Variants in SYNPO2 observed in about 807,000 individuals in gnomAD.
SYNPO2 encodes synaptopodin 2.
SYNPO2 carries 56 observed loss-of-function variants against 85.0 expected under a neutral mutation model. The ratio of observed to expected loss-of-function variants is 0.66; its 90% CI spans 0.53 to 0.82. The LOEUF (loss-of-function observed/expected upper bound fraction) is 0.82. Among genes scored for constraint, SYNPO2 ranks in the 40% least tolerant of loss-of-function variants. The pLI is 0.00. For missense variants in SYNPO2, 1,575 were observed against 1,534.2 expected (o/e 1.03, Z -0.44); for synonymous variants, 602 against 591.1 (o/e 1.02, Z -0.27).
rs1045011181 is a variant in SYNPO2 at position 119,030,123 on chromosome 4, T to C, written c.1348T>C (p.Leu450=). 7 of 1,614,018 alleles carry C rather than the reference T, an allele frequency of 4.3e-6. No individual in the cohort carries two copies. The Admixed American group carries it at 1.0e-4, about 23-fold the overall frequency. ...ASESEVDEEL[L]SDVDDNTQVV... ...CGAATCAGAGGTGGATGAAGAGTTA[T>C]TGTCTGACGTTGACGACAACACACA... Residue 450 remains leucine, a synonymous_variant, in exon 4 of 5, where the codon TTG becomes CTG. Coordinates refer to ENST00000307142, the MANE Select transcript of SYNPO2 (RefSeq NM_133477.3).
intron 1 of SYNPO2, among the ~76,000 whole-genome samples, chr4:118,938,966 C>T (rs947524182): frequency 6.6e-6 from 1 of 152,104 alleles, no homozygotes; most frequent in Non-Finnish European, 1.5e-5. Flanking sequence ...ATGGTATTTC[C>T]ATGGAGGAGC....
chr4:119,026,546 C>T lies in SYNPO2; in HGVS notation c.258-81C>T, dbSNP rs537393637. The T allele has an allele frequency of 7.8e-4, 1,094 of 1,408,912 alleles. 1 individual carries two copies. The highest frequency in any genetic ancestry group is 9.9e-4 in the Non-Finnish European group (1,029 of 1,039,674). 87.3% of individuals were successfully genotyped at this position (1,408,912 alleles called of 1,614,324 possible). A position where few individuals can be genotyped will look rare whatever the true frequency, so the allele number is the denominator to read the frequency against. On this transcript the variant is annotated intron_variant, in intron 2 of 4. Coordinates refer to ENST00000307142, the MANE Select transcript of SYNPO2 (RefSeq NM_133477.3). ...TATTTTGACTATATCACATATTAGA[C>T]ATCACAAAAGTGTCAGGAAGTTCTT...
chr4:118,865,610 G>A (rs144892607), intron 1 of SYNPO2, among the ~76,000 whole-genome samples: 3 of 152,138 alleles, frequency 2.0e-5, no homozygotes, highest in Admixed American at 6.6e-5. Context: ...ATTTGGCTGA[G>A]AGTGTTTACA....
intron 1 of SYNPO2, among the ~76,000 whole-genome samples, chr4:118,878,880 T>G (rs1376747263): frequency 7.4e-4 from 113 of 152,212 alleles, no homozygotes; most frequent in Non-Finnish European, 7.3e-5. Context: ...TTTTCTGTCT[T>G]GTGGATGTTT....
intron 1 of SYNPO2, among the ~76,000 whole-genome samples, chr4:118,923,904 A>G (rs7349616): frequency 3.3e-5 from 5 of 151,288 alleles, no homozygotes; most frequent in African/African-American, 1.2e-4. Flanking sequence ...AAAAAAAAAA[A>G]AACCTGAGTT....
intron 1 of SYNPO2, among the ~76,000 whole-genome samples, chr4:118,995,689 C>T (rs139647099): frequency 8.2e-4 from 125 of 152,218 alleles, no homozygotes; most frequent in Middle Eastern, 3.4e-3. Flanking sequence ...CTTAGCTCTG[C>T]CCCTTAATAA....
chr4:118,961,211 C>T (rs1735078415), intron 1 of SYNPO2, among the ~76,000 whole-genome samples: 1 of 150,310 alleles, frequency 6.7e-6, no homozygotes, highest in Admixed American at 6.7e-5. Context: ...AGGAATGCTG[C>T]TGAACATCTT....
chr4:119,039,103 T>C (rs1457935544), intron 4 of SYNPO2, among the ~76,000 whole-genome samples: 1 of 152,110 alleles, frequency 6.6e-6, no homozygotes, highest in Non-Finnish European at 1.5e-5. Flanking sequence ...ACTAATAAGG[T>C]AACAATTATG....
At chr4:119,019,135 C>G (rs1234234817) in intron 1 of SYNPO2, among the ~76,000 whole-genome samples, 1 of 151,966 alleles carries the variant, frequency 6.6e-6, no homozygotes, top group Non-Finnish European at 1.5e-5. Flanking sequence ...CTGGGTGATG[C>G]AGTAATGTGT....
At chr4:118,902,723 A>G (rs1291061315) in intron 1 of SYNPO2, among the ~76,000 whole-genome samples, 1 of 152,222 alleles carries the variant, frequency 6.6e-6, no homozygotes, top group African/African-American at 2.4e-5. Flanking sequence ...TTCTTCTGAA[A>G]TGTATTCTCC....
intron 1 of SYNPO2, among the ~76,000 whole-genome samples, chr4:118,911,255 A>G (rs1411978267): frequency 6.6e-6 from 1 of 152,196 alleles, no homozygotes; most frequent in Non-Finnish European, 1.5e-5. Context: ...TGAGATATCA[A>G]ATCATTTTAT....
At chr4:119,002,408 T>A (rs902296897) in intron 1 of SYNPO2, among the ~76,000 whole-genome samples, 1 of 152,022 alleles carries the variant, frequency 6.6e-6, no homozygotes, top group African/African-American at 2.4e-5. Flanking sequence ...CTACAGGTGC[T>A]TACCACCACG....
chr4:118,906,259 G>A (rs1378765932), intron 1 of SYNPO2, among the ~76,000 whole-genome samples: 3 of 151,758 alleles, frequency 2.0e-5, no homozygotes, highest in Non-Finnish European at 2.9e-5. Flanking sequence ...TTAGAAGAGT[G>A]ATATATATAT....
rs929135009 is a variant in SYNPO2 at position 119,058,912 on chromosome 4, T to G, written c.*978T>G. ...TTGGAAGGACTTTTGAGGAATGATG[T>G]GATGTGTAGAGAATAGAAAGATTTA... On this transcript the variant is annotated 3_prime_UTR_variant, in exon 5 of 5. Transcript: ENST00000307142. 6.6e-6 allele frequency: 1 copy of G among 152,160 alleles called. No individual in the cohort carries two copies. Among genetic ancestry groups the G allele is most frequent in the Non-Finnish European group, 1.5e-5 (1 of 68,028 alleles). The allele number at this position is 152,160 out of a possible 1,614,324, so 9.4% of individuals were successfully genotyped here.
chr4:118,977,390 GC>G (rs1735827428), intron 1 of SYNPO2, among the ~76,000 whole-genome samples: 1 of 152,220 alleles, frequency 6.6e-6, no homozygotes, highest in South Asian at 2.1e-4. Flanking sequence ...CAGCTGGCCC[GC>G]AAGCGCGGCA....
At chr4:119,007,997 C>T (rs547300104) in intron 1 of SYNPO2, among the ~76,000 whole-genome samples, 33 of 152,074 alleles carry the variant, frequency 2.2e-4, no homozygotes, top group Non-Finnish European at 4.1e-4. Context: ...GAAGGGAATA[C>T]AGACAAATAA....
At chr4:118,898,896 T>C (rs1375139534) in intron 1 of SYNPO2, among the ~76,000 whole-genome samples, 1 of 152,226 alleles carries the variant, frequency 6.6e-6, no homozygotes, top group African/African-American at 2.4e-5. Flanking sequence ...TGCTGTGTCC[T>C]TGGCTGGAAT....
At chr4:118,871,571 A>AAT (rs373288512) in intron 1 of SYNPO2, among the ~76,000 whole-genome samples, 9 of 142,456 alleles carry the variant, frequency 6.3e-5, no homozygotes, top group Non-Finnish European at 1.1e-4. Context: ...ATAAATAACA[A>AAT]TTTTTTTTTT....
chr4:118,940,859 G>T (rs76927344), intron 1 of SYNPO2, among the ~76,000 whole-genome samples: 1 of 151,752 alleles, frequency 6.6e-6, no homozygotes, highest in Non-Finnish European at 1.5e-5. Flanking sequence ...ATCTCGCTCT[G>T]CTTTGAGGAC....
Sources: allele counts gnomAD v4.1 joint callset (sites outside exome capture counted in the v4.1 genomes callset), GRCh38; gene constraint gnomAD v4.1.1; transcripts MANE v1.5; gene names NCBI Gene and HGNC (gene_info 2026-07-23, HGNC 2026-07-21).